KCNIP4: variants seen among roughly 807,000 people sequenced by gnomAD.
KCNIP4 encodes the protein Kv channel-interacting protein 4.
A neutral mutation model predicts 34.0 loss-of-function variants in KCNIP4; 12 were observed. The observed-to-expected ratio is 0.35, with a 90% CI of 0.23 to 0.57. KCNIP4 has a LOEUF of 0.57. Ranked by LOEUF, KCNIP4 falls within the 20% of genes least tolerant of loss-of-function variation. The pLI is 0.83. For missense variants in KCNIP4, 238 were observed against 311.7 expected (o/e 0.76, Z 1.78); for synonymous variants, 124 against 102.2 (o/e 1.21, Z -1.29).
intron 1 of KCNIP4, among the ~76,000 whole-genome samples, chr4:21,702,498 T>C (rs184532748): frequency 2.0e-3 from 312 of 152,250 alleles, no homozygotes; most frequent in Non-Finnish European, 3.5e-3. Context: ...ATGAATTAGA[T>C]GAAATGGAAA....
intron 1 of KCNIP4, among the ~76,000 whole-genome samples, chr4:20,898,324 T>TA (rs1266974694): frequency 1.1e-4 from 17 of 152,314 alleles, no homozygotes; most frequent in Non-Finnish European, 2.4e-4. Flanking sequence ...TTTGTATACA[T>TA]AGTCTATTAG....
chr4:21,730,871 G>A (rs1044284095), intron 1 of KCNIP4, among the ~76,000 whole-genome samples: 4 of 152,062 alleles, frequency 2.6e-5, no homozygotes, highest in African/African-American at 7.2e-5. Flanking sequence ...CCAGCACTTC[G>A]GGAGGCCAAG....
chr4:21,619,794 G>A (rs1419074674), intron 1 of KCNIP4, among the ~76,000 whole-genome samples: 1 of 152,220 alleles, frequency 6.6e-6, no homozygotes, highest in African/African-American at 2.4e-5. Flanking sequence ...GTCTTCAAGT[G>A]TTTCATGGTC....
intron 1 of KCNIP4, among the ~76,000 whole-genome samples, chr4:21,296,957 G>A (rs970663372): frequency 8.6e-5 from 13 of 151,540 alleles, no homozygotes; most frequent in South Asian, 2.1e-4. Flanking sequence ...AACTGCCCTC[G>A]TGACTTGTGT....
chr4:21,051,925 T>G (rs1742966735), intron 1 of KCNIP4, among the ~76,000 whole-genome samples: 1 of 152,276 alleles, frequency 6.6e-6, no homozygotes, highest in Admixed American at 6.5e-5. Context: ...CAAGGAAAAT[T>G]GACTCTGGCA....
intron 1 of KCNIP4, among the ~76,000 whole-genome samples, chr4:21,919,518 C>T (rs909548710): frequency 1.6e-4 from 25 of 152,110 alleles, no homozygotes; most frequent in African/African-American, 5.6e-4. Flanking sequence ...GCATTAGTAG[C>T]CTACCCAATG....
At chr4:21,239,248 G>T (rs367863034) in intron 1 of KCNIP4, among the ~76,000 whole-genome samples, 6,693 of 106,862 alleles carry the variant, frequency 0.063, 393 homozygotes, top group South Asian at 0.15. Context: ...AGACTTACAT[G>T]TTGGAGCTAA....
At chr4:20,763,420 C>T (rs1755107159) in intron 3 of KCNIP4, among the ~76,000 whole-genome samples, 3 of 152,078 alleles carry the variant, frequency 2.0e-5, no homozygotes, top group African/African-American at 4.8e-5. Flanking sequence ...TAACATATGG[C>T]GCCAACAGTC....
At chr4:20,986,266 G>A (rs759877957) in intron 1 of KCNIP4, among the ~76,000 whole-genome samples, 8 of 152,152 alleles carry the variant, frequency 5.3e-5, no homozygotes, top group Non-Finnish European at 8.8e-5. Flanking sequence ...CTAGAAATAA[G>A]TTGGTCCTGC....
rs1747074331 is a variant in KCNIP4, at chr4:20,729,223, T to TACTATATACTGGAGGATAGATATCCTG, written c.*832_*858dup. 1 of 152,008 alleles carries TACTATATACTGGAGGATAGATATCCTG rather than the reference T, an allele frequency of 6.6e-6. No homozygotes were observed. The highest frequency in any genetic ancestry group is 1.5e-5 in the Non-Finnish European group (1 of 67,934). The allele number at this position is 152,008 out of a possible 1,614,324, so 9.4% of individuals were successfully genotyped here. A position where few individuals can be genotyped will look rare whatever the true frequency, so the allele number is the denominator to read the frequency against. On this transcript the variant is annotated 3_prime_UTR_variant, in exon 9 of 9. Transcript: ENST00000382152. The stretch of plus-strand genomic sequence containing the variant: ...GTTAGGATTACTTGTTATTAAGCAT[T>TACTATATACTGGAGGATAGATATCCTG]ACTATATACTGGAGGATAGATATCC...
chr4:21,628,056 A>C (rs1745457667), intron 1 of KCNIP4, among the ~76,000 whole-genome samples: 1 of 152,174 alleles, frequency 6.6e-6, no homozygotes, highest in African/African-American at 2.4e-5. Flanking sequence ...TAATAATGCT[A>C]TATATTGGTT....
chr4:21,331,658 G>A (rs955741321), intron 1 of KCNIP4, among the ~76,000 whole-genome samples: 4 of 65,896 alleles, frequency 6.1e-5, no homozygotes, highest in East Asian at 4.4e-4. Flanking sequence ...AATCAATATC[G>A]TCACAAGAAA....
chr4:21,167,209 T>A (rs1753696433), intron 1 of KCNIP4, among the ~76,000 whole-genome samples: 1 of 151,886 alleles, frequency 6.6e-6, no homozygotes, highest in Admixed American at 6.6e-5. Context: ...GGGAAGGTGG[T>A]GAGGAGGGCT....
At chr4:21,235,843 G>C (rs1759317774) in intron 1 of KCNIP4, among the ~76,000 whole-genome samples, 1 of 152,224 alleles carries the variant, frequency 6.6e-6, no homozygotes, top group African/African-American at 2.4e-5. Flanking sequence ...ATTATCCTGG[G>C]GCCTCAGAGA....
intron 1 of KCNIP4, among the ~76,000 whole-genome samples, chr4:21,581,941 A>T (rs1250395130): frequency 6.8e-6 from 1 of 146,868 alleles, no homozygotes; most frequent in African/African-American, 2.5e-5. Flanking sequence ...ACTTAAAAGA[A>T]GAAAGAATAA....
At chr4:21,664,497 G>A (rs1748690888) in intron 1 of KCNIP4, among the ~76,000 whole-genome samples, 1 of 151,966 alleles carries the variant, frequency 6.6e-6, no homozygotes, top group African/African-American at 2.4e-5. Context: ...TTGCCATCTT[G>A]CAATTTGAAA....
At chr4:21,463,063 C>A (rs1729611727) in intron 1 of KCNIP4, among the ~76,000 whole-genome samples, 1 of 151,726 alleles carries the variant, frequency 6.6e-6, no homozygotes, top group Non-Finnish European at 1.5e-5. Flanking sequence ...TAAGGTAGTC[C>A]CAGTTTTAAT....
At chr4:21,494,143 G>T (rs1263084378) in intron 1 of KCNIP4, among the ~76,000 whole-genome samples, 4 of 152,114 alleles carry the variant, frequency 2.6e-5, no homozygotes, top group Admixed American at 1.3e-4. Context: ...AGCACACTAG[G>T]AATCTGACCC....
chr4:21,403,679 A>T (rs934619476), intron 1 of KCNIP4, among the ~76,000 whole-genome samples: 2 of 152,214 alleles, frequency 1.3e-5, no homozygotes, highest in African/African-American at 4.8e-5. Context: ...TGCATAATTT[A>T]TAAATAATAG....
Sources: allele counts gnomAD v4.1 joint callset (sites outside exome capture counted in the v4.1 genomes callset), GRCh38; gene constraint gnomAD v4.1.1; transcripts MANE v1.5; gene names NCBI Gene and HGNC (gene_info 2026-07-23, HGNC 2026-07-21).